The following KPNA3 variants were observed in gnomAD, a reference collection of about 807,000 sequenced individuals.
KPNA3 encodes importin subunit alpha-4.
In KPNA3, 13 loss-of-function variants were observed where a neutral mutation model predicts 73.8. The ratio of observed to expected loss-of-function variants is 0.18; its 90% confidence interval spans 0.11 to 0.28. The LOEUF (loss-of-function observed/expected upper bound fraction) is 0.28, where lower values mean the gene tolerates loss of function less well. KPNA3 is among the 10% of genes least tolerant of loss of function. The pLI, the probability that KPNA3 is intolerant of heterozygous loss-of-function variation, is 1.00. For synonymous variants in KPNA3, 186 were observed against 206.9 expected, an observed-to-expected ratio of 0.90 and a Z score of 0.87; for missense variants, 360 against 618.1, an observed-to-expected ratio of 0.58 and a Z score of 4.43.
At chr13:49,703,696 C>A (rs1416490253) in intron 15 of KPNA3, among the ~76,000 whole-genome samples, 1 of 152,102 alleles carries the variant, frequency 6.6e-6, no homozygotes, top group Non-Finnish European at 1.5e-5. Context: ...ATTTCCAGAA[C>A]AGATATCATA....
At chr13:49,790,690 TA>T (rs1566365422) in intron 1 of KPNA3, among the ~76,000 whole-genome samples, 1 of 152,206 alleles carries the variant, frequency 6.6e-6, no homozygotes, top group Non-Finnish European at 1.5e-5. Flanking sequence ...TTCATGCATC[TA>T]AAAGTCACGG....
intron 1 of KPNA3, among the ~76,000 whole-genome samples, chr13:49,753,679 T>C (rs1954686047): frequency 6.6e-6 from 1 of 152,196 alleles, no homozygotes; most frequent in South Asian, 2.1e-4. Context: ...TGGCCTCAGC[T>C]CCATTTCCTG....
intron 15 of KPNA3, among the ~76,000 whole-genome samples, chr13:49,704,188 G>A (rs1205774977): frequency 5.3e-5 from 8 of 152,200 alleles, no homozygotes; most frequent in Admixed American, 3.9e-4. Flanking sequence ...TTGGGAAGCC[G>A]AGGCGGGCAG....
At chr13:49,766,378 C>T (rs556560334) in intron 1 of KPNA3, among the ~76,000 whole-genome samples, 33 of 152,112 alleles carry the variant, frequency 2.2e-4, no homozygotes, top group Admixed American at 1.8e-3. Flanking sequence ...CAGTCTTTCT[C>T]TGATTACCTC....
At chr13:49,769,030 T>C (rs1055620313) in intron 1 of KPNA3, among the ~76,000 whole-genome samples, 2 of 152,174 alleles carry the variant, frequency 1.3e-5, no homozygotes, top group Non-Finnish European at 2.9e-5. Context: ...CACAAGATAG[T>C]TATGTTTTAA....
chr13:49,728,739 G>A (rs1277904058), intron 6 of KPNA3, among the ~76,000 whole-genome samples: 1 of 152,134 alleles, frequency 6.6e-6, no homozygotes, highest in Non-Finnish European at 1.5e-5. Flanking sequence ...CTTATTATGA[G>A]AGTGTTTTGA....
chr13:49,748,452 T>C (rs573903485), intron 1 of KPNA3, among the ~76,000 whole-genome samples: 7 of 152,098 alleles, frequency 4.6e-5, no homozygotes, highest in Non-Finnish European at 7.4e-5. Flanking sequence ...CTTTATATTA[T>C]TGGAATAAAG....
At chr13:49,784,086 C>A (rs981844513) in intron 1 of KPNA3, among the ~76,000 whole-genome samples, 2 of 151,998 alleles carry the variant, frequency 1.3e-5, no homozygotes, top group African/African-American at 4.8e-5. Flanking sequence ...GACCCCATCG[C>A]TACAAAAAGT....
intron 15 of KPNA3, among the ~76,000 whole-genome samples, chr13:49,705,188 G>A (rs979278113): frequency 6.6e-6 from 1 of 152,096 alleles, no homozygotes; most frequent in African/African-American, 2.4e-5. Flanking sequence ...GTGAAACCTC[G>A]TCTCTATTAA....
chr13:49,760,921 C>T (rs1954753402), intron 1 of KPNA3, among the ~76,000 whole-genome samples: 1 of 152,172 alleles, frequency 6.6e-6, no homozygotes, highest in Non-Finnish European at 1.5e-5. Context: ...CTATGGTCTT[C>T]GGATTCCAGG....
rs768978870 is a variant in KPNA3, at chr13:49,701,830, G to A, written c.1536C>T (p.Ala512=). ...QGGTYNFDPT[A]NLQTKEFNF ...AATTAAATTCTTTTGTTTGAAGGTT[G>A]GCTGTTGGATCAAAATTGTAGGTAC... Residue 512 remains alanine (A), a synonymous_variant, in exon 17 of 17, where the codon GCC becomes GCT. Transcript: ENST00000261667. The A allele has an allele frequency of 1.2e-6, 2 of 1,611,148 alleles. No individual in the cohort carries two copies. The highest frequency in any genetic ancestry group is 1.7e-6 in the Non-Finnish European group (2 of 1,177,450).
At chr13:49,784,495 C>G (rs941958791) in intron 1 of KPNA3, among the ~76,000 whole-genome samples, 1 of 152,072 alleles carries the variant, frequency 6.6e-6, no homozygotes, top group Non-Finnish European at 1.5e-5. Context: ...TGGGAGACAA[C>G]AGACTAAAGT....
chr13:49,762,153 T>TG (rs1437158712), intron 1 of KPNA3, among the ~76,000 whole-genome samples: 2 of 138,684 alleles, frequency 1.4e-5, no homozygotes, highest in Non-Finnish European at 3.1e-5. Context: ...GGGAGGGAGG[T>TG]GGGGGGCAGC....
intron 1 of KPNA3, among the ~76,000 whole-genome samples, chr13:49,771,133 AAAG>A (rs1212812185): frequency 6.6e-5 from 10 of 151,412 alleles, no homozygotes; most frequent in Non-Finnish European, 1.3e-4. Context: ...AAAAAAAAAA[AAAG>A]AAGAGGAAGA....
intron 9 of KPNA3, 64 bp downstream of exon 9, chr13:49,721,891 A>G (rs1954362908): frequency 7.0e-6 from 8 of 1,149,736 alleles, no homozygotes; most frequent in Non-Finnish European, 9.6e-6. Context: ...TCCCCTGTAT[A>G]TGAATTCCTG....
At position 49,721,931 on chromosome 13, in the gene KPNA3, T is replaced by C. The variant is rs753435542; in HGVS notation, c.726+24A>G. The C allele has an allele frequency of 4.1e-6, 6 of 1,469,118 alleles. No homozygotes were observed. In the East Asian group the frequency reaches 1.4e-4, roughly 35 times the overall value. 91.0% of individuals were successfully genotyped at this position (1,469,118 alleles called of 1,614,324 possible). A position where few individuals can be genotyped will look rare whatever the true frequency, so the allele number is the denominator to read the frequency against. On this transcript the variant is annotated intron_variant, in intron 9 of 16. Coordinates refer to ENST00000261667, the MANE Select transcript of KPNA3 (RefSeq NM_002267.4). The stretch of plus-strand genomic sequence containing the variant: ...ACAAACATAGGGAAAATATACCATC[T>C]GGCCTTTACAATTCTTCATTTACCT...
intron 1 of KPNA3, among the ~76,000 whole-genome samples, chr13:49,772,230 T>C (rs1954861669): frequency 6.6e-6 from 1 of 152,210 alleles, no homozygotes; most frequent in Non-Finnish European, 1.5e-5. Flanking sequence ...AGAACAACAA[T>C]GAATACGGTT....
rs1323172642 is a variant in KPNA3, at chr13:49,732,982, G to A, written c.179C>T (p.Ser60Leu). Reference sequence around the variant, plus strand: ...TGCTTTAAAATCAGCATCAACATCTGAATCTTCTAGACTTTCTTCTTGGGG... The same window carrying A: ...TGCTTTAAAATCAGCATCAACATCTAAATCTTCTAGACTTTCTTCTTGGGG... ...NVPQEESLED[S>L]DVDADFKAQN... Residue 60 changes from serine to leucine, a missense_variant, in exon 3 of 17, where the codon TCA (serine) becomes TTA (leucine). Ser to Leu is a moderately radical substitution (Grantham distance 145, BLOSUM62 -2). This residue lies in a region of KPNA3 where 287 missense variants were observed against 549.1 expected (regional missense o/e 0.52). Transcript: ENST00000261667. 6.2e-7 allele frequency: 1 copy of A among 1,609,042 alleles called. No homozygotes were observed.
chr13:49,756,725 G>A (rs530942555), intron 1 of KPNA3, among the ~76,000 whole-genome samples: 7 of 152,086 alleles, frequency 4.6e-5, no homozygotes, highest in Non-Finnish European at 7.4e-5. Flanking sequence ...AAATTTATAC[G>A]GAAAGGCAAA....
Sources: allele counts gnomAD v4.1 joint callset (sites outside exome capture counted in the v4.1 genomes callset), GRCh38; gene constraint gnomAD v4.1.1; regional missense constraint gnomAD v4.1.1; transcripts MANE v1.5; gene names NCBI Gene and HGNC (gene_info 2026-07-23, HGNC 2026-07-21).